Variants in TMTC2 observed in about 807,000 individuals in gnomAD.
TMTC2 encodes the protein transmembrane O-mannosyltransferase targeting cadherins 2, also known as protein O-mannosyl-transferase TMTC2.
A neutral mutation model predicts 82.4 loss-of-function variants in TMTC2; 43 were observed. That is an observed-to-expected ratio of 0.52 (90% CI 0.41 to 0.67). The LOEUF (loss-of-function observed/expected upper bound fraction) is 0.67. Among genes scored for constraint, TMTC2 ranks in the 30% least tolerant of loss-of-function variants. TMTC2 has a pLI of 0.00. For synonymous variants in TMTC2, 408 were observed against 381.9 expected (o/e 1.07, Z -0.80); for missense variants, 919 against 1,012.4 (o/e 0.91, Z 1.25).
Position 82,790,922 on chromosome 12 carries a change from G to C in TMTC2, c.84-66088G>C, listed in dbSNP as rs539508961. 3.3e-5 allele frequency among the ~76,000 whole-genome samples: 5 copies of C among 151,998 alleles called. No homozygotes were observed. In the East Asian group the frequency reaches 9.7e-4, roughly 29 times the overall value. ...CCTTTAAAAAAGAAATATTCGAACA[G>C]AGTGTTATAATTGCTGGGGAGCTAT... On this transcript the variant is annotated intron_variant, in intron 1 of 11. Transcript: ENST00000321196.
At position 82,697,770 on chromosome 12, in the gene TMTC2, C is replaced by A. The variant is rs75885571; in HGVS notation, c.83+10101C>A. On this transcript the variant is annotated intron_variant, in intron 1 of 11. Transcript: ENST00000321196. ...TCTCATTTTGACAAATAAACTGATA[C>A]GCAGTTGCCTAGGGCTTATGCTCAA... is the stretch of plus-strand genomic sequence containing the variant. Among the ~76,000 whole-genome samples the A allele has an allele frequency of 6.6e-5, 10 of 152,256 alleles. No homozygotes were observed. The East Asian group carries it at 1.7e-3, about 26-fold the overall frequency.
intron 4 of TMTC2, among the ~76,000 whole-genome samples, chr12:82,952,307 C>T (rs1197919946): frequency 6.6e-6 from 1 of 152,064 alleles, no homozygotes; most frequent in Non-Finnish European, 1.5e-5. Flanking sequence ...TTTCATACAC[C>T]TATTACATTC....
chr12:82,719,056 A>ATT (rs1350353998), intron 1 of TMTC2, among the ~76,000 whole-genome samples: 5 of 75,616 alleles, frequency 6.6e-5, no homozygotes, highest in African/African-American at 2.3e-4. Context: ...GCTTTAGATG[A>ATT]TTTTATATAT....
intron 2 of TMTC2, among the ~76,000 whole-genome samples, chr12:82,883,013 G>A (rs971200883): frequency 2.9e-5 from 4 of 140,308 alleles, no homozygotes; most frequent in Non-Finnish European, 6.0e-5. Context: ...CCAAGATCGC[G>A]TCAGTGCACT....
chr12:82,719,085 ATTTTTT>A (rs71068944), intron 1 of TMTC2, among the ~76,000 whole-genome samples: 24 of 41,408 alleles, frequency 5.8e-4, no homozygotes, highest in Admixed American at 3.9e-3. Context: ...ATATATATAT[ATTTTTT>A]TTTTTTTTTT....
At chr12:82,989,377 T>C (rs1201838738) in intron 8 of TMTC2, among the ~76,000 whole-genome samples, 3 of 152,110 alleles carry the variant, frequency 2.0e-5, no homozygotes, top group South Asian at 2.1e-4. Context: ...TTTAATCACC[T>C]GGGAAAAGTT....
In TMTC2 at chr12:83,061,440, G is replaced by A. The variant is rs192044797; in HGVS notation, c.2268-328G>A. ...ATTTTTAAAATTGAGATTTTTCTGG[G>A]GTATCATGTTGATGCTGGAGAACCC... On this transcript the variant is annotated intron_variant, in intron 10 of 11. Transcript: ENST00000321196. Among the ~76,000 whole-genome samples, 6 of 151,546 alleles carry A rather than the reference G, an allele frequency of 4.0e-5. No homozygotes were observed. In the East Asian group the frequency reaches 1.2e-3, roughly 29 times the overall value.
intron 11 of TMTC2, among the ~76,000 whole-genome samples, chr12:83,094,153 A>T (rs538272500): frequency 6.6e-6 from 1 of 152,356 alleles, no homozygotes; most frequent in Non-Finnish European, 1.5e-5. Context: ...TAGATAATGC[A>T]GTCCTGTAGA....
At chr12:82,722,136 T>C (rs1280096825) in intron 1 of TMTC2, among the ~76,000 whole-genome samples, 1 of 152,202 alleles carries the variant, frequency 6.6e-6, no homozygotes, top group Non-Finnish European at 1.5e-5. Flanking sequence ...TAATGAATTA[T>C]GCATCAGCTT....
chr12:82,781,563 T>A (rs922929659), intron 1 of TMTC2, among the ~76,000 whole-genome samples: 1 of 151,954 alleles, frequency 6.6e-6, no homozygotes, highest in Non-Finnish European at 1.5e-5. Flanking sequence ...TGGTTGCCAT[T>A]GCGATGTTCT....
intron 1 of TMTC2, among the ~76,000 whole-genome samples, chr12:82,832,820 G>T (rs1440637793): frequency 2.6e-5 from 4 of 152,144 alleles, no homozygotes; most frequent in African/African-American, 9.7e-5. Flanking sequence ...GAGGAAAAAG[G>T]GACGGAAGAC....
At chr12:82,796,068 T>A (rs1358313069) in intron 1 of TMTC2, among the ~76,000 whole-genome samples, 1 of 152,146 alleles carries the variant, frequency 6.6e-6, no homozygotes, top group African/African-American at 2.4e-5. Flanking sequence ...GCCACATAGA[T>A]GGCACTCAGT....
chr12:82,896,790 A>T (rs1164723596), intron 3 of TMTC2, 144 bp downstream of exon 3: 4 of 616,354 alleles, frequency 6.5e-6, no homozygotes, highest in Non-Finnish European at 1.1e-5. Flanking sequence ...TTATTTTTTT[A>T]AAGAGATATG....
At chr12:82,874,158 G>C (rs1872357810) in intron 2 of TMTC2, among the ~76,000 whole-genome samples, 1 of 152,216 alleles carries the variant, frequency 6.6e-6, no homozygotes, top group South Asian at 2.1e-4. Flanking sequence ...TTTGAGAGAA[G>C]TTGTGATTTC....
At chr12:82,849,750 C>G (rs1870875746) in intron 1 of TMTC2, among the ~76,000 whole-genome samples, 1 of 152,068 alleles carries the variant, frequency 6.6e-6, no homozygotes, top group South Asian at 2.1e-4. Context: ...TACTTTATGA[C>G]TAAGAGGCAT....
chr12:82,942,798 A>T (rs899138630), intron 4 of TMTC2, among the ~76,000 whole-genome samples: 1 of 152,210 alleles, frequency 6.6e-6, no homozygotes, highest in African/African-American at 2.4e-5. Context: ...AAAGGATTTT[A>T]TGGAGAAGCT....
At chr12:83,107,685 T>G (rs1884457302) in intron 11 of TMTC2, among the ~76,000 whole-genome samples, 1 of 152,230 alleles carries the variant, frequency 6.6e-6, no homozygotes, top group African/African-American at 2.4e-5. Context: ...AATTCATACC[T>G]GTGAACATAT....
At chr12:82,716,942 A>G (rs143246651) in intron 1 of TMTC2, among the ~76,000 whole-genome samples, 16 of 152,310 alleles carry the variant, frequency 1.1e-4, no homozygotes, top group African/African-American at 3.9e-4. Context: ...AAAGAAAGGT[A>G]TATATAGAGG....
chr12:82,841,099 AG>A, intron 1 of TMTC2, among the ~76,000 whole-genome samples: 1 of 152,134 alleles, frequency 6.6e-6, no homozygotes, highest in Non-Finnish European at 1.5e-5. Flanking sequence ...CTGTTCTTAA[AG>A]GGACATGTTA....
Sources: gnomAD v4.1 joint callset for allele counts (sites outside exome capture counted in the v4.1 genomes callset) on GRCh38, gnomAD v4.1.1 for gene constraint, MANE v1.5 for transcripts, NCBI Gene and HGNC (gene_info 2026-07-23, HGNC 2026-07-21) for gene names.